The following PTPRG variants were observed in gnomAD, a reference collection of about 807,000 sequenced individuals.
PTPRG encodes receptor-type tyrosine-protein phosphatase gamma.
In PTPRG, 102 loss-of-function variants were observed where a neutral mutation model predicts 165.3. The observed-to-expected ratio is 0.62, with a 90% CI of 0.53 to 0.73. PTPRG has a LOEUF of 0.73. Among genes scored for constraint, PTPRG ranks in the 30% least tolerant of loss-of-function variants. The probability of loss-of-function intolerance (pLI) is 0.00; values close to 1 mark genes in which losing one functional copy is unlikely to be tolerated. For synonymous variants in PTPRG, 675 were observed against 669.5 expected (o/e 1.01, Z -0.13); for missense variants, 1,866 against 1,861.4 (o/e 1.00, Z -0.05).
intron 2 of PTPRG, among the ~76,000 whole-genome samples, chr3:61,930,653 G>A (rs1394136717): frequency 6.6e-6 from 1 of 152,140 alleles, no homozygotes; most frequent in Non-Finnish European, 1.5e-5. Flanking sequence ...TCTTTTTTGT[G>A]GAGTCAAGCG....
At chr3:61,822,301 G>A (rs2107260670) in intron 2 of PTPRG, among the ~76,000 whole-genome samples, 1 of 152,316 alleles carries the variant, frequency 6.6e-6, no homozygotes, top group East Asian at 1.9e-4. Context: ...ATTGGAAAAG[G>A]TAAAAGCCAG....
At chr3:61,689,105 A>G (rs567499656) in intron 1 of PTPRG, among the ~76,000 whole-genome samples, 5 of 152,340 alleles carry the variant, frequency 3.3e-5, no homozygotes, top group Admixed American at 6.5e-5. Context: ...ATCACTCTGG[A>G]CTTTATGCTC....
chr3:61,910,796 A>G (rs752810018), intron 2 of PTPRG, among the ~76,000 whole-genome samples: 7 of 152,158 alleles, frequency 4.6e-5, no homozygotes, highest in Non-Finnish European at 8.8e-5. Context: ...CCAGGAGGAA[A>G]TCTGAGCAAG....
chr3:62,058,345 A>T (rs12633075), intron 4 of PTPRG, among the ~76,000 whole-genome samples: 36,971 of 148,394 alleles, frequency 0.25, 5,645 homozygotes, highest in Non-Finnish European at 0.35. Flanking sequence ...TATTATTATT[A>T]TTTTTTTTAG....
intron 2 of PTPRG, among the ~76,000 whole-genome samples, chr3:61,829,932 GAC>G (rs1369450374): frequency 6.6e-6 from 1 of 152,170 alleles, no homozygotes; most frequent in Non-Finnish European, 1.5e-5. Context: ...TGGAACTAAA[GAC>G]TACTTCATTT....
At chr3:62,181,601 A>G (rs189249105) in intron 8 of PTPRG, among the ~76,000 whole-genome samples, 31 of 152,296 alleles carry the variant, frequency 2.0e-4, no homozygotes, top group Non-Finnish European at 1.5e-5. Flanking sequence ...AAAGCGTGTA[A>G]TTATATATGC....
intron 4 of PTPRG, among the ~76,000 whole-genome samples, chr3:62,037,826 T>TCTTTG (rs1428862091): frequency 6.6e-6 from 1 of 152,150 alleles, no homozygotes; most frequent in African/African-American, 2.4e-5. Flanking sequence ...GACAGCAAGT[T>TCTTTG]CTTTGCTGTC....
At position 61,787,603 on chromosome 3, in the gene PTPRG, G is replaced by A. The variant is rs376334507; in HGVS notation, c.190+38621G>A. Among the ~76,000 whole-genome samples the A allele has an allele frequency of 1.4e-4, 22 of 152,266 alleles. No individual in the cohort carries two copies. In the East Asian group the frequency reaches 3.7e-3, roughly 25 times the overall value. ...TAGTCCGCTTTATTAGGTCCTTCTGGGAAGCCCATAAATGCTTGATCACTG... is the reference window on the plus strand; with the variant it reads ...TAGTCCGCTTTATTAGGTCCTTCTGAGAAGCCCATAAATGCTTGATCACTG... On this transcript the variant is annotated intron_variant, in intron 2 of 29. Coordinates refer to ENST00000474889, the MANE Select transcript of PTPRG (RefSeq NM_002841.4).
intron 1 of PTPRG, among the ~76,000 whole-genome samples, chr3:61,653,819 T>C (rs145318680): frequency 1.4e-5 from 2 of 146,404 alleles, no homozygotes; most frequent in East Asian, 4.4e-4. Flanking sequence ...GCCCACACTG[T>C]TCCCAGTTAT....
chr3:61,641,248 A>ATG (rs1174675389), intron 1 of PTPRG, among the ~76,000 whole-genome samples: 10 of 152,042 alleles, frequency 6.6e-5, no homozygotes, highest in African/African-American at 2.4e-4. Context: ...AAATATATAT[A>ATG]GAATACCCAC....
intron 4 of PTPRG, among the ~76,000 whole-genome samples, chr3:62,026,894 A>AAAAAAAAAAAAAAAAAAAG (rs2041816982): frequency 2.0e-5 from 3 of 150,340 alleles, no homozygotes; most frequent in Non-Finnish European, 3.0e-5. Context: ...AAAAAAAAAA[A>AAAAAAAAAAAAAAAAAAAG]GATATAAGAA....
At chr3:62,010,689 C>T (rs1454802929) in intron 4 of PTPRG, among the ~76,000 whole-genome samples, 1 of 152,138 alleles carries the variant, frequency 6.6e-6, no homozygotes, top group African/African-American at 2.4e-5. Flanking sequence ...ACTATAAAGA[C>T]ATCTTGGCTT....
At chr3:61,563,113 C>T (rs895249697) in intron 1 of PTPRG, among the ~76,000 whole-genome samples, 2 of 151,650 alleles carry the variant, frequency 1.3e-5, no homozygotes, top group Non-Finnish European at 1.5e-5. Flanking sequence ...GATTGGATTG[C>T]CTGGGTCTGG....
chr3:62,083,887 T>C (rs1701661466), intron 5 of PTPRG, among the ~76,000 whole-genome samples: 1 of 152,382 alleles, frequency 6.6e-6, no homozygotes, highest in Middle Eastern at 3.4e-3. Flanking sequence ...ATTCCTGTTC[T>C]TTATCTTTGG....
intron 1 of PTPRG, among the ~76,000 whole-genome samples, chr3:61,703,937 C>T (rs1014432474): frequency 3.9e-5 from 6 of 152,132 alleles, no homozygotes; most frequent in Admixed American, 2.6e-4. Context: ...CAAAAGTGAG[C>T]TGGATATACT....
intron 1 of PTPRG, among the ~76,000 whole-genome samples, chr3:61,641,926 T>A (rs1358784572): frequency 6.6e-6 from 1 of 152,160 alleles, no homozygotes; most frequent in Non-Finnish European, 1.5e-5. Context: ...GGTGCACATT[T>A]AGCTAATGAA....
rs112061335 is a variant in PTPRG, at chr3:62,034,730, G to A, written c.519+31233G>A. Among the ~76,000 whole-genome samples, 1,225 of 152,260 alleles carry A rather than the reference G, an allele frequency of 8.0e-3. 16 individuals are homozygous for A. Among genetic ancestry groups the A allele is most frequent in the African/African-American group, 0.025 (1,037 of 41,536 alleles). ...CTCAAAAGAAATTTTTTAAATGTCCGTGCTGGCAGCGGACAAGGATGAATG... is the reference window on the plus strand; with the variant it reads ...CTCAAAAGAAATTTTTTAAATGTCCATGCTGGCAGCGGACAAGGATGAATG... On this transcript the variant is annotated intron_variant, in intron 4 of 29. Coordinates refer to ENST00000474889, the MANE Select transcript of PTPRG (RefSeq NM_002841.4).
intron 2 of PTPRG, among the ~76,000 whole-genome samples, chr3:61,869,093 C>T (rs554320161): frequency 6.6e-6 from 1 of 152,088 alleles, no homozygotes; most frequent in Non-Finnish European, 1.5e-5. Flanking sequence ...TTTATTTTAA[C>T]TCTGAGGGAT....
chr3:62,055,915 G>A (rs1287729458), intron 4 of PTPRG, among the ~76,000 whole-genome samples: 2 of 152,130 alleles, frequency 1.3e-5, no homozygotes, highest in Admixed American at 1.3e-4. Flanking sequence ...TTCCAAATAA[G>A]GTGACAGTCA....
Sources: gnomAD v4.1 joint callset for allele counts (sites outside exome capture counted in the v4.1 genomes callset) on GRCh38, gnomAD v4.1.1 for gene constraint, MANE v1.5 for transcripts, NCBI Gene and HGNC (gene_info 2026-07-23, HGNC 2026-07-21) for gene names.